HLF: variants seen among roughly 807,000 people sequenced by gnomAD.
The protein encoded by HLF is HLF transcription factor, PAR bZIP family member, also known as hepatic leukemia factor.
A neutral mutation model predicts 22.6 loss-of-function variants in HLF; 3 were observed. The ratio of observed to expected loss-of-function variants is 0.13; its 90% CI spans 0.06 to 0.34. HLF has a LOEUF of 0.34. Among genes scored for constraint, HLF ranks in the 10% least tolerant of loss-of-function variants. The pLI, the probability that HLF is intolerant of heterozygous loss-of-function variation, is 1.00. For missense variants in HLF, 299 were observed against 389.2 expected, an observed-to-expected ratio of 0.77 and a Z score of 1.95; for synonymous variants, 151 against 151.8, an observed-to-expected ratio of 0.99 and a Z score of 0.04.
intron 2 of HLF, among the ~76,000 whole-genome samples, chr17:55,314,231 C>T (rs1245856639): frequency 6.6e-6 from 1 of 152,214 alleles, no homozygotes; most frequent in Non-Finnish European, 1.5e-5. Context: ...ACCCATTGTT[C>T]TCTGGATGTT....
At chr17:55,306,685 ACTGGGATCCAGGACAC>A (rs1221744291) in intron 2 of HLF, among the ~76,000 whole-genome samples, 2 of 152,082 alleles carry the variant, frequency 1.3e-5, no homozygotes, top group Non-Finnish European at 2.9e-5. Flanking sequence ...GTTCCCAGCT[ACTGGGATCCAGGACAC>A]CTTCCAATTT....
intron 2 of HLF, among the ~76,000 whole-genome samples, chr17:55,306,777 C>T (rs74425838): frequency 0.014 from 2,077 of 151,788 alleles, 23 homozygotes; most frequent in Middle Eastern, 0.038. Context: ...CCTTTTGATG[C>T]CTTTCTTTCC....
chr17:55,315,173 G>T, intron 2 of HLF, 54 bp from the exon 3 acceptor site: 1 of 1,345,664 alleles, frequency 7.4e-7, no homozygotes, highest in Non-Finnish European at 1.1e-6. Flanking sequence ...TTAAGTAGCT[G>T]CCTACTGGGT....
chr17:55,278,640 G>C (rs1308965134), intron 2 of HLF, among the ~76,000 whole-genome samples: 2 of 152,194 alleles, frequency 1.3e-5, no homozygotes, highest in Admixed American at 6.5e-5. Flanking sequence ...GCAGTAATCA[G>C]ATTACCCAGA....
At chr17:55,291,050 A>C (rs1432423982) in intron 2 of HLF, among the ~76,000 whole-genome samples, 2 of 152,220 alleles carry the variant, frequency 1.3e-5, no homozygotes, top group Non-Finnish European at 2.9e-5. Context: ...AAGCTACAGA[A>C]GAAAGGTTTG....
In HLF at chr17:55,305,959, T is replaced by G. The variant is rs533657928; in HGVS notation, c.452-9268T>G. ...CTTGTCTTAAGCTTTCTGTTTTCTA[T>G]TCCTTTATTTCCACATATGGAAAAT... On this transcript the variant is annotated intron_variant, in intron 2 of 3. Coordinates refer to ENST00000226067, the MANE Select transcript of HLF (RefSeq NM_002126.5). Among the ~76,000 whole-genome samples, 11 of 152,382 alleles carry G rather than the reference T, an allele frequency of 7.2e-5. No individual in the cohort carries two copies. In the South Asian group the frequency reaches 1.4e-3, roughly 20 times the overall value.
At chr17:55,284,295 A>G (rs2080981156) in intron 2 of HLF, among the ~76,000 whole-genome samples, 1 of 152,206 alleles carries the variant, frequency 6.6e-6, no homozygotes, top group Non-Finnish European at 1.5e-5. Context: ...CAAGGACTTG[A>G]TCCAAGAGTG....
intron 2 of HLF, among the ~76,000 whole-genome samples, chr17:55,282,617 A>G (rs2080964470): frequency 6.6e-6 from 1 of 152,252 alleles, no homozygotes; most frequent in African/African-American, 2.4e-5. Flanking sequence ...CCAGTTTGTC[A>G]GCATTAGATG....
intron 2 of HLF, among the ~76,000 whole-genome samples, chr17:55,308,637 CTCACT>C (rs1904690125): frequency 6.6e-6 from 1 of 152,216 alleles, no homozygotes; most frequent in African/African-American, 2.4e-5. Flanking sequence ...CCAGGTCTGA[CTCACT>C]TCACAGCGTA....
intron 2 of HLF, among the ~76,000 whole-genome samples, chr17:55,281,036 C>T (rs1435306248): frequency 6.6e-6 from 1 of 152,156 alleles, no homozygotes; most frequent in Non-Finnish European, 1.5e-5. Flanking sequence ...GCATGGGTCA[C>T]GCTTGATACA....
intron 2 of HLF, among the ~76,000 whole-genome samples, chr17:55,286,140 A>C (rs2081002079): frequency 6.6e-6 from 1 of 152,178 alleles, no homozygotes; most frequent in Non-Finnish European, 1.5e-5. Flanking sequence ...CTTCTTTCCA[A>C]AGATCTAAGA....
At position 55,265,870 on chromosome 17, in the gene HLF, G is replaced by A. The variant is rs961979832; in HGVS notation, c.115+271G>A. ...GGTCCCGCTCCTGCGGCGCGGGTGG[G>A]AGGTGTAACTTGACAGGTCAGGATC... On this transcript the variant is annotated intron_variant, in intron 1 of 3. Coordinates refer to ENST00000226067, the MANE Select transcript of HLF (RefSeq NM_002126.5). The A allele has an allele frequency of 4.1e-6, 5 of 1,226,454 alleles. No individual in the cohort carries two copies. The Admixed American group carries it at 2.3e-4, about 56-fold the overall frequency. 76.0% of individuals were successfully genotyped at this position (1,226,454 alleles called of 1,614,324 possible).
intron 2 of HLF, among the ~76,000 whole-genome samples, chr17:55,312,521 AAGT>A (rs1283018328): frequency 6.6e-6 from 1 of 152,250 alleles, no homozygotes; most frequent in Admixed American, 6.5e-5. Context: ...TAAAAAGAAA[AAGT>A]AGTTTTATTT....
intron 2 of HLF, among the ~76,000 whole-genome samples, chr17:55,271,302 A>G (rs1247915946): frequency 3.3e-5 from 5 of 152,246 alleles, no homozygotes; most frequent in Non-Finnish European, 5.9e-5. Flanking sequence ...CTAAGCCATC[A>G]GGCTAATCAG....
At chr17:55,313,355 TGTGC>T (rs1029235065) in intron 2 of HLF, among the ~76,000 whole-genome samples, 3 of 128,424 alleles carry the variant, frequency 2.3e-5, no homozygotes, top group African/African-American at 8.5e-5. Context: ...GGAGGAGGTG[TGTGC>T]GTGTGTGTGT....
intron 2 of HLF, among the ~76,000 whole-genome samples, chr17:55,309,399 G>A (rs1005341009): frequency 2.0e-5 from 3 of 152,168 alleles, no homozygotes; most frequent in Non-Finnish European, 4.4e-5. Context: ...AATGTAAAAG[G>A]ATTTTCAGAG....
intron 3 of HLF, among the ~76,000 whole-genome samples, chr17:55,316,170 A>G (rs1905057021): frequency 6.6e-6 from 1 of 152,228 alleles, no homozygotes; most frequent in African/African-American, 2.4e-5. Context: ...TAGGATGAAA[A>G]TTCTTTCCAA....
chr17:55,312,090 C>T (rs1173511642), intron 2 of HLF, among the ~76,000 whole-genome samples: 4 of 152,160 alleles, frequency 2.6e-5, no homozygotes, highest in Non-Finnish European at 4.4e-5. Context: ...AGGTTGATTC[C>T]GTGTCTTTGC....
intron 2 of HLF, among the ~76,000 whole-genome samples, chr17:55,313,772 C>T (rs1904947249): frequency 6.6e-6 from 1 of 152,104 alleles, no homozygotes; most frequent in Non-Finnish European, 1.5e-5. Context: ...CTAATGAGAA[C>T]TCTCCATCCT....
Sources: gnomAD v4.1 joint callset for allele counts (sites outside exome capture counted in the v4.1 genomes callset) on GRCh38, gnomAD v4.1.1 for gene constraint, MANE v1.5 for transcripts, NCBI Gene and HGNC (gene_info 2026-07-23, HGNC 2026-07-21) for gene names.